The following C8orf34 variants were observed in gnomAD, a reference collection of about 807,000 sequenced individuals.
C8orf34 encodes uncharacterized protein C8orf34.
In C8orf34, 65 loss-of-function variants were observed where a neutral mutation model predicts 68.3. That is an observed-to-expected ratio of 0.95 (90% confidence interval 0.78 to 1.17). The LOEUF (loss-of-function observed/expected upper bound fraction) is 1.17. Ranked by LOEUF, C8orf34 falls within the 50% of genes most tolerant of loss-of-function variation. The pLI is 0.00. For synonymous variants in C8orf34, 244 were observed against 241.2 expected (o/e 1.01, Z -0.11); for missense variants, 664 against 655.4 (o/e 1.01, Z -0.14).
chr8:68,569,401 C>G (rs1342603389), intron 7 of C8orf34, among the ~76,000 whole-genome samples: 1 of 152,214 alleles, frequency 6.6e-6, no homozygotes. Context: ...ACAGCAAACA[C>G]AAACAGGAAC....
chr8:68,462,141 C>T (rs539339149), intron 3 of C8orf34, among the ~76,000 whole-genome samples: 3,132 of 152,048 alleles, frequency 0.021, 103 homozygotes, highest in African/African-American at 0.072. Context: ...GGTTGCAATC[C>T]TGGTCTCTGA....
chr8:68,690,162 C>T (rs1235819139), intron 8 of C8orf34, among the ~76,000 whole-genome samples: 7 of 151,982 alleles, frequency 4.6e-5, no homozygotes, highest in Admixed American at 4.6e-4. Flanking sequence ...TACATTTCTG[C>T]CTATATTATT....
At chr8:68,535,652 G>A in intron 7 of C8orf34, 1 of 691,772 alleles carries the variant, frequency 1.4e-6, no homozygotes, top group Non-Finnish European at 1.8e-6. Flanking sequence ...TATATTTGTG[G>A]ATTTCTTTTC....
chr8:68,602,738 C>T (rs746751680), intron 7 of C8orf34, among the ~76,000 whole-genome samples: 13 of 152,012 alleles, frequency 8.6e-5, no homozygotes, highest in Non-Finnish European at 1.5e-4. Context: ...AGGCTCAGCT[C>T]GTACTAGATC....
intron 7 of C8orf34, among the ~76,000 whole-genome samples, chr8:68,607,222 A>C (rs1817881842): frequency 6.6e-6 from 1 of 152,160 alleles, no homozygotes; most frequent in African/African-American, 2.4e-5. Flanking sequence ...GTTTCCCTGC[A>C]ATGAATAATA....
intron 12 of C8orf34, chr8:68,792,206 A>G (rs2129529176): frequency 6.6e-6 from 1 of 152,302 alleles, no homozygotes; most frequent in South Asian, 2.1e-4. Flanking sequence ...TAAAAACACT[A>G]GAATTAGAAT....
chr8:68,745,366 T>A (rs1822453378), intron 10 of C8orf34, among the ~76,000 whole-genome samples: 1 of 151,258 alleles, frequency 6.6e-6, no homozygotes, highest in Non-Finnish European at 1.5e-5. Flanking sequence ...AATGACAGGA[T>A]CAAATTCACA....
At chr8:68,670,262 G>A (rs1318827649) in intron 8 of C8orf34, among the ~76,000 whole-genome samples, 1 of 152,126 alleles carries the variant, frequency 6.6e-6, no homozygotes, top group African/African-American at 2.4e-5. Flanking sequence ...ATCTTCTCAT[G>A]TCCCCCCAAT....
chr8:68,751,334 A>G (rs188022534), intron 10 of C8orf34, among the ~76,000 whole-genome samples: 97 of 152,332 alleles, frequency 6.4e-4, no homozygotes, highest in African/African-American at 2.2e-3. Context: ...TATTTCAAGT[A>G]GAACCTTGTC....
At chr8:68,494,871 T>A (rs1343143560) in intron 5 of C8orf34, among the ~76,000 whole-genome samples, 3 of 150,754 alleles carry the variant, frequency 2.0e-5, no homozygotes, top group Non-Finnish European at 4.4e-5. Context: ...ATATATATAT[T>A]ATATATATCT....
At chr8:68,616,184 C>T (rs201885964) in intron 7 of C8orf34, among the ~76,000 whole-genome samples, 3 of 151,304 alleles carry the variant, frequency 2.0e-5, no homozygotes, top group Non-Finnish European at 4.4e-5. Context: ...TCTCTCTTTT[C>T]TTCTTTATTA....
At chr8:68,736,490 C>T (rs1168641625) in intron 10 of C8orf34, among the ~76,000 whole-genome samples, 1 of 152,058 alleles carries the variant, frequency 6.6e-6, no homozygotes, top group African/African-American at 2.4e-5. Flanking sequence ...GCAAAATCTT[C>T]AATCAAATTA....
rs182179235 is a variant in C8orf34, at chr8:68,462,732, T to G, written c.608-5960T>G. Among the ~76,000 whole-genome samples the G allele has an allele frequency of 9.1e-3, 1,377 of 152,090 alleles. 30 individuals carry two copies. The highest frequency in any genetic ancestry group is 0.031 in the African/African-American group (1,301 of 41,428). Reference sequence around the variant, plus strand: ...AATGAAGGCAGAAATAAAGCTGTTCTTTGAAACCAACAAGAACAAAGACAC... The same window carrying G: ...AATGAAGGCAGAAATAAAGCTGTTCGTTGAAACCAACAAGAACAAAGACAC... On this transcript the variant is annotated intron_variant, in intron 3 of 13. Transcript: ENST00000518698.
chr8:68,707,049 T>C (rs1287619491), intron 8 of C8orf34, among the ~76,000 whole-genome samples: 1 of 152,034 alleles, frequency 6.6e-6, no homozygotes, highest in East Asian at 1.9e-4. Context: ...GGAGTAGGAG[T>C]AAAACTCTTA....
intron 6 of C8orf34, among the ~76,000 whole-genome samples, chr8:68,524,851 A>C (rs992740233): frequency 2.0e-5 from 3 of 152,228 alleles, no homozygotes; most frequent in African/African-American, 7.2e-5. Context: ...ATTACTTATT[A>C]AATTGTAATG....
chr8:68,787,301 G>C lies in C8orf34; in HGVS notation c.1456-142G>C, dbSNP rs1448471576. ...TCTATGACATGAAAATGAATTTAAAGTTAGAGCTCTCCTTTTTTTAATGAG... is the reference window on the plus strand; with the variant it reads ...TCTATGACATGAAAATGAATTTAAACTTAGAGCTCTCCTTTTTTTAATGAG... On this transcript the variant is annotated intron_variant, in intron 11 of 13. Transcript: ENST00000518698. The C allele has an allele frequency of 5.8e-6, 3 of 516,376 alleles. No homozygotes were observed. In the East Asian group the frequency reaches 9.4e-5, roughly 16 times the overall value. 32.0% of individuals were successfully genotyped at this position (516,376 alleles called of 1,614,324 possible). A position where few individuals can be genotyped will look rare whatever the true frequency, so the allele number is the denominator to read the frequency against.
intron 1 of C8orf34, among the ~76,000 whole-genome samples, chr8:68,381,241 T>C (rs1167059362): frequency 6.6e-6 from 1 of 152,232 alleles, no homozygotes; most frequent in African/African-American, 2.4e-5. Context: ...TGCATTCAAG[T>C]GCTCTACTCT....
chr8:68,690,628 T>G (rs1357462894), intron 8 of C8orf34, among the ~76,000 whole-genome samples: 1 of 151,998 alleles, frequency 6.6e-6, no homozygotes, highest in Admixed American at 6.6e-5. Context: ...ATGAGAGCTC[T>G]GCCCTCATGA....
At chr8:68,810,380 T>A (rs1824609964) in intron 12 of C8orf34, among the ~76,000 whole-genome samples, 1 of 151,708 alleles carries the variant, frequency 6.6e-6, no homozygotes, top group Non-Finnish European at 1.5e-5. Context: ...CAGTGAAGAA[T>A]GTGGTGGTGC....
Sources: gnomAD v4.1 joint callset for allele counts (sites outside exome capture counted in the v4.1 genomes callset) on GRCh38, gnomAD v4.1.1 for gene constraint, MANE v1.5 for transcripts, NCBI Gene and HGNC (gene_info 2026-07-23, HGNC 2026-07-21) for gene names.